CDH13: variants seen among roughly 807,000 people sequenced by gnomAD.
The protein encoded by CDH13 is cadherin-13.
CDH13 carries 24 observed loss-of-function variants against 63.8 expected under a neutral mutation model. The ratio of observed to expected loss-of-function variants is 0.38; its 90% confidence interval spans 0.27 to 0.53. The LOEUF (loss-of-function observed/expected upper bound fraction) is 0.53, where lower values mean the gene tolerates loss of function less well. Ranked by LOEUF, CDH13 falls within the 20% of genes least tolerant of loss-of-function variation. The pLI, the probability that CDH13 is intolerant of heterozygous loss-of-function variation, is 0.85. For synonymous variants in CDH13, 503 were observed against 355.3 expected (o/e 1.42, Z -4.67); for missense variants, 1,049 against 903.1 (o/e 1.16, Z -2.07).
chr16:82,842,362 T>C (rs928393679), intron 1 of CDH13, among the ~76,000 whole-genome samples: 2 of 151,558 alleles, frequency 1.3e-5, no homozygotes, highest in Non-Finnish European at 2.9e-5. Flanking sequence ...CTACAAATGA[T>C]GGTAGTCCTT....
intron 2 of CDH13, among the ~76,000 whole-genome samples, chr16:82,999,292 A>G (rs1912601076): frequency 6.6e-6 from 1 of 152,098 alleles, no homozygotes; most frequent in South Asian, 2.1e-4. Context: ...CTATGGCTCA[A>G]CTGTTGGTGC....
intron 6 of CDH13, among the ~76,000 whole-genome samples, chr16:83,469,241 C>T (rs767924265): frequency 1.2e-4 from 19 of 152,142 alleles, no homozygotes; most frequent in Admixed American, 1.2e-3. Flanking sequence ...GTTCCCAACT[C>T]TTAAAAATGT....
At chr16:83,313,765 T>C (rs1597725296) in intron 5 of CDH13, among the ~76,000 whole-genome samples, 2 of 152,238 alleles carry the variant, frequency 1.3e-5, no homozygotes, top group South Asian at 4.1e-4. Context: ...TTTTAGTTAA[T>C]GTTGTTAAAC....
At chr16:82,904,317 G>C (rs1399821119) in intron 2 of CDH13, among the ~76,000 whole-genome samples, 1 of 152,100 alleles carries the variant, frequency 6.6e-6, no homozygotes, top group African/African-American at 2.4e-5. Flanking sequence ...GAAGGCTTTG[G>C]CATCCAAATC....
Position 83,155,170 on chromosome 16 carries a change from T to C in CDH13, c.483+29669T>C, listed in dbSNP as rs919285728. On this transcript the variant is annotated intron_variant, in intron 4 of 13. Transcript: ENST00000567109. ...AGCAACCAAATTTGGCAAAGACAAGTAGTCTTCCCTGAGAAATATTGGACA... is the reference window on the plus strand; with the variant it reads ...AGCAACCAAATTTGGCAAAGACAAGCAGTCTTCCCTGAGAAATATTGGACA... Among the ~76,000 whole-genome samples the C allele has an allele frequency of 5.3e-5, 8 of 152,304 alleles. No individual in the cohort carries two copies. The East Asian group carries it at 1.5e-3, about 29-fold the overall frequency.
At chr16:83,518,542 G>A (rs888401669) in intron 7 of CDH13, among the ~76,000 whole-genome samples, 3 of 146,812 alleles carry the variant, frequency 2.0e-5, no homozygotes, top group Non-Finnish European at 4.5e-5. Context: ...GTGCAATGTT[G>A]GCTCACTGCA....
At chr16:83,596,042 AGTT>A (rs1907223026) in intron 7 of CDH13, among the ~76,000 whole-genome samples, 1 of 152,226 alleles carries the variant, frequency 6.6e-6, no homozygotes, top group East Asian at 1.9e-4. Flanking sequence ...TTGGAGTTGC[AGTT>A]GATTACATTC....
chr16:83,352,893 A>AAAAT (rs930716588), intron 6 of CDH13, among the ~76,000 whole-genome samples: 4 of 152,232 alleles, frequency 2.6e-5, no homozygotes, highest in South Asian at 2.1e-4. Context: ...CCGTCTCAAA[A>AAAAT]AAATAAATAA....
At chr16:83,546,817 A>G (rs2075394959) in intron 7 of CDH13, among the ~76,000 whole-genome samples, 1 of 152,172 alleles carries the variant, frequency 6.6e-6, no homozygotes, top group African/African-American at 2.4e-5. Flanking sequence ...CACTAGACAG[A>G]GGGCACTGCA....
intron 1 of CDH13, chr16:82,823,805 G>A (rs973981143): frequency 6.6e-5 from 10 of 152,090 alleles, no homozygotes; most frequent in East Asian, 1.9e-4. Context: ...TAAGACCAGC[G>A]AGATTAATTT....
At chr16:82,865,451 G>A (rs568829628) in intron 2 of CDH13, among the ~76,000 whole-genome samples, 14 of 152,312 alleles carry the variant, frequency 9.2e-5, no homozygotes, top group East Asian at 3.9e-4. Flanking sequence ...CTTGACTTCC[G>A]TGCACCTGCA....
intron 2 of CDH13, among the ~76,000 whole-genome samples, chr16:82,943,737 A>G (rs1460906261): frequency 6.6e-6 from 1 of 152,226 alleles, no homozygotes; most frequent in Non-Finnish European, 1.5e-5. Context: ...ATTGAGATAG[A>G]ATTTGGACTG....
In CDH13 at chr16:83,443,716, AAAAAAAAAAAAAAAAAAAAATATATATAT is replaced by A. The variant is rs1193343781; in HGVS notation, c.782-42759_782-42731del. Among the ~76,000 whole-genome samples the A allele has an allele frequency of 4.0e-3, 368 of 92,996 alleles. 10 individuals are homozygous for A. Among genetic ancestry groups the A allele is most frequent in the African/African-American group, 0.02 (358 of 17,900 alleles). The allele number at this position is 92,996 out of a possible 152,430, so 61.0% of individuals were successfully genotyped here. A position where few individuals can be genotyped will look rare whatever the true frequency, so the allele number is the denominator to read the frequency against. ...TGCGAAGTCCCTACGAAAAAAAAAA[AAAAAAAAAAAAAAAAAAAAATATATATAT>A]ATATATATATATATATATGGAGAGA... On this transcript the variant is annotated intron_variant, in intron 6 of 13. Coordinates refer to ENST00000567109, the MANE Select transcript of CDH13 (RefSeq NM_001257.5).
intron 3 of CDH13, among the ~76,000 whole-genome samples, chr16:83,065,659 C>A (rs367899312): frequency 1.3e-5 from 2 of 149,682 alleles, no homozygotes; most frequent in Non-Finnish European, 1.5e-5. Flanking sequence ...GAGCCAAGAT[C>A]GTGCCACTGC....
intron 7 of CDH13, among the ~76,000 whole-genome samples, chr16:83,552,952 ACCTGTAATT>A (rs2075534297): frequency 6.6e-6 from 1 of 152,040 alleles, no homozygotes; most frequent in African/African-American, 2.4e-5. Flanking sequence ...GGTGGCACGC[ACCTGTAATT>A]CCAGTTATTC....
intron 3 of CDH13, among the ~76,000 whole-genome samples, chr16:83,087,219 A>G (rs566253080): frequency 5.9e-4 from 90 of 152,316 alleles, no homozygotes; most frequent in African/African-American, 2.0e-3. Flanking sequence ...AAACTGATCA[A>G]TGACTTAATT....
intron 1 of CDH13, among the ~76,000 whole-genome samples, chr16:82,836,601 GAT>G (rs2038777758): frequency 6.6e-6 from 1 of 152,184 alleles, no homozygotes; most frequent in Non-Finnish European, 1.5e-5. Flanking sequence ...GAAGAGCACA[GAT>G]AAGTTCTGGT....
chr16:83,310,762 C>T (rs1225046969), intron 5 of CDH13, among the ~76,000 whole-genome samples: 2 of 152,176 alleles, frequency 1.3e-5, no homozygotes, highest in Non-Finnish European at 2.9e-5. Context: ...AGCTAAAATT[C>T]CCTCCAGGAG....
chr16:83,506,317 A>T (rs896970683), intron 7 of CDH13, among the ~76,000 whole-genome samples: 1 of 152,116 alleles, frequency 6.6e-6, no homozygotes, highest in Non-Finnish European at 1.5e-5. Context: ...TGGGAAAGGG[A>T]CTTATTGGTG....
Sources: gnomAD v4.1 joint callset for allele counts (sites outside exome capture counted in the v4.1 genomes callset) on GRCh38, gnomAD v4.1.1 for gene constraint, MANE v1.5 for transcripts, NCBI Gene and HGNC (gene_info 2026-07-23, HGNC 2026-07-21) for gene names.